Variants in EBF3 observed in about 807,000 individuals in gnomAD.
EBF3 encodes the protein transcription factor COE3.
In EBF3, 18 loss-of-function variants were observed where a neutral mutation model predicts 77.1. That is an observed-to-expected ratio of 0.23 (90% CI 0.16 to 0.35). The LOEUF is 0.35. EBF3 is among the 10% of genes least tolerant of loss of function. The pLI, the probability that EBF3 is intolerant of heterozygous loss-of-function variation, is 1.00. For missense variants in EBF3, 558 were observed against 860.0 expected, an observed-to-expected ratio of 0.65 and a Z score of 4.39; for synonymous variants, 350 against 343.5, an observed-to-expected ratio of 1.02 and a Z score of -0.21.
intron 6 of EBF3, among the ~76,000 whole-genome samples, chr10:129,889,730 G>C (rs1191390060): frequency 1.3e-5 from 2 of 149,662 alleles, no homozygotes; most frequent in African/African-American, 4.9e-5. Flanking sequence ...AATAATGAAT[G>C]TCCTGTTGGG....
chr10:129,905,465 G>C (rs1279969146), intron 6 of EBF3, among the ~76,000 whole-genome samples: 1 of 151,616 alleles, frequency 6.6e-6, no homozygotes, highest in Admixed American at 6.6e-5. Context: ...TGTTAGTGTG[G>C]TTACTTGAAA....
Position 129,897,132 on chromosome 10 carries a change from G to A in EBF3, c.555-19283C>T, listed in dbSNP as rs531051847. Among the ~76,000 whole-genome samples the A allele has an allele frequency of 1.2e-4, 18 of 152,180 alleles. No individual in the cohort carries two copies. Among genetic ancestry groups the A allele is most frequent in the East Asian group, 3.9e-4 (2 of 5,178 alleles). On this transcript the variant is annotated intron_variant, in intron 6 of 16. Transcript: ENST00000440978. This position sits in a 1 kb window ranked among gnomAD's most constrained non-coding sequence, Gnocchi z 4.6. ...AGCTGGGAGACAGGAAGACAAAGCC[G>A]GTCTCCTTTCGGGGTCCTGGGATGA...
intron 6 of EBF3, among the ~76,000 whole-genome samples, chr10:129,881,472 T>C (rs1274919796): frequency 1.3e-5 from 2 of 152,134 alleles, no homozygotes; most frequent in Admixed American, 6.5e-5. Context: ...CGAGATAAAC[T>C]GCTACACGCC....
intron 7 of EBF3, among the ~76,000 whole-genome samples, chr10:129,877,483 A>C (rs1007119540): frequency 7.6e-5 from 2 of 26,440 alleles, no homozygotes; most frequent in Non-Finnish European, 2.4e-4. Flanking sequence ...TCTGTCTCCA[A>C]AAAAAAAAAA....
chr10:129,839,492 G>A (rs759580377), intron 15 of EBF3, among the ~76,000 whole-genome samples: 10 of 151,924 alleles, frequency 6.6e-5, no homozygotes, highest in African/African-American at 1.2e-4. Context: ...TGCCCACCCC[G>A]TGTGGCCTCA....
intron 10 of EBF3, among the ~76,000 whole-genome samples, chr10:129,857,157 G>C (rs1851310334): frequency 6.6e-6 from 1 of 152,164 alleles, no homozygotes; most frequent in Non-Finnish European, 1.5e-5. Flanking sequence ...GCATAAAGAA[G>C]AAAAGGAATG....
intron 6 of EBF3, among the ~76,000 whole-genome samples, chr10:129,951,700 C>T (rs1384175636): frequency 6.6e-6 from 1 of 152,244 alleles, no homozygotes; most frequent in Non-Finnish European, 1.5e-5. Context: ...CCTGACCCAC[C>T]GCGGCAGGCG....
At chr10:129,961,305 C>A (rs539709318) in intron 4 of EBF3, among the ~76,000 whole-genome samples, 41 of 152,274 alleles carry the variant, frequency 2.7e-4, no homozygotes, top group African/African-American at 8.7e-4. Flanking sequence ...ACCTGCCCCC[C>A]TCCCCACCAC....
intron 6 of EBF3, among the ~76,000 whole-genome samples, chr10:129,925,770 T>C (rs1856627617): frequency 1.3e-5 from 2 of 152,012 alleles, no homozygotes; most frequent in Non-Finnish European, 2.9e-5. Flanking sequence ...AAAAACATGT[T>C]CCAATCACGC....
At chr10:129,871,575 A>C (rs1172171976) in intron 8 of EBF3, among the ~76,000 whole-genome samples, 1 of 152,142 alleles carries the variant, frequency 6.6e-6, no homozygotes, top group African/African-American at 2.4e-5. Flanking sequence ...CCACCCCTGC[A>C]ATCTGTCCTG....
At chr10:129,880,569 T>C (rs766751567) in intron 6 of EBF3, among the ~76,000 whole-genome samples, 4 of 152,224 alleles carry the variant, frequency 2.6e-5, no homozygotes, top group African/African-American at 9.6e-5. Flanking sequence ...GTGGCAATGA[T>C]AGTTTCTGCT....
At chr10:129,920,726 G>A (rs988679639) in intron 6 of EBF3, among the ~76,000 whole-genome samples, 2 of 152,256 alleles carry the variant, frequency 1.3e-5, no homozygotes, top group African/African-American at 2.4e-5. Flanking sequence ...TTGTGGCCCC[G>A]CACTCTGTGT....
rs966428595 is a variant in EBF3 at position 129,839,033 on chromosome 10, T to G, written c.1872+50A>C. 8 of 1,301,622 alleles carry G rather than the reference T, an allele frequency of 6.1e-6. No homozygotes were observed. In the African/African-American group the frequency reaches 1.1e-4, roughly 17 times the overall value. The allele number at this position is 1,301,622 out of a possible 1,614,324, so 80.6% of individuals were successfully genotyped here. Reference sequence around the variant, plus strand: ...GGCACTTCGGGGGCCTGGGCGTCCCTTCATACGCTAACGGATGTTGTGAAG... The same window carrying G: ...GGCACTTCGGGGGCCTGGGCGTCCCGTCATACGCTAACGGATGTTGTGAAG... On this transcript the variant is annotated intron_variant, in intron 16 of 16. Coordinates refer to ENST00000440978, the MANE Select transcript of EBF3 (RefSeq NM_001375380.1).
At chr10:129,900,243 G>A (rs1854683898) in intron 6 of EBF3, among the ~76,000 whole-genome samples, 2 of 152,176 alleles carry the variant, frequency 1.3e-5, no homozygotes, top group African/African-American at 4.8e-5. Flanking sequence ...TCCAAACAGT[G>A]TCAGATGAAG....
At chr10:129,888,720 T>C (rs1266597069) in intron 6 of EBF3, among the ~76,000 whole-genome samples, 2 of 152,260 alleles carry the variant, frequency 1.3e-5, no homozygotes, top group African/African-American at 2.4e-5. Context: ...TATTAATAAT[T>C]TGATAAATAG....
At chr10:129,906,155 A>G (rs1373111333) in intron 6 of EBF3, among the ~76,000 whole-genome samples, 1 of 152,204 alleles carries the variant, frequency 6.6e-6, no homozygotes. Context: ...ATCGATAGGG[A>G]GTGACAGTTG....
chr10:129,917,681 T>TAAAAAAAAAAAAAAAAAAAAAA (rs1239226466), intron 6 of EBF3, among the ~76,000 whole-genome samples: 318 of 60,274 alleles, frequency 5.3e-3, no homozygotes, highest in African/African-American at 6.2e-3. Context: ...AAAAAAAAAC[T>TAAAAAAAAAAAAAAAAAAAAAA]AAAACCAAGC....
At chr10:129,902,977 G>T (rs986611217) in intron 6 of EBF3, among the ~76,000 whole-genome samples, 2 of 152,234 alleles carry the variant, frequency 1.3e-5, no homozygotes, top group Admixed American at 1.3e-4. Flanking sequence ...AGATTCACAA[G>T]TGATTCTCCA....
intron 7 of EBF3, among the ~76,000 whole-genome samples, chr10:129,875,187 C>CTTCTTTTTTTTTTTTTTTTTTTTTTT (rs1852672323): frequency 5.4e-5 from 5 of 92,932 alleles, no homozygotes; most frequent in African/African-American, 2.1e-4. Flanking sequence ...ATGGCTTCTT[C>CTTCTTTTTTTTTTTTTTTTTTTTTTT]TTTTTTTTTT....
Sources: gnomAD v4.1 joint callset for allele counts (sites outside exome capture counted in the v4.1 genomes callset) on GRCh38, gnomAD v4.1.1 for gene constraint, Gnocchi (gnomAD v3.1) non-coding constraint, MANE v1.5 for transcripts, NCBI Gene and HGNC (gene_info 2026-07-23, HGNC 2026-07-21) for gene names.